RPE65: variants seen among roughly 807,000 people sequenced by gnomAD.
RPE65 encodes the protein retinoid isomerohydrolase RPE65.
Under a neutral mutation model 68.5 loss-of-function variants are expected in RPE65, and 58 were observed. The observed-to-expected ratio is 0.85, with a 90% CI of 0.69 to 1.05. The LOEUF (loss-of-function observed/expected upper bound fraction) is 1.05. Among genes scored for constraint, RPE65 ranks in the 50% least tolerant of loss-of-function variants. The pLI, the probability that RPE65 is intolerant of heterozygous loss-of-function variation, is 0.00. For synonymous variants in RPE65, 220 were observed against 222.2 expected (o/e 0.99, Z 0.09); for missense variants, 643 against 629.9 (o/e 1.02, Z -0.22).
rs769814819 is a variant in RPE65, at chr1:68,429,914, A to T, written c.1464T>A (p.Ser488Arg). The T allele has an allele frequency of 1.2e-6, 2 of 1,613,674 alleles. No homozygotes were observed. The highest frequency in any genetic ancestry group is 1.7e-6 in the Non-Finnish European group (2 of 1,179,724). Reference protein sequence around the residue: ...ALEEDDGVVLSVVVSPGAGQK... With the variant: ...ALEEDDGVVLRVVVSPGAGQK... The stretch of plus-strand genomic sequence containing the variant: ...GTCCTGCTCCTGGGCTCACCACCAC[A>T]CTCAGAACTACACCTGTTTATCAGA... Residue 488 changes from serine to arginine, a missense_variant, in exon 14 of 14, where the codon AGT becomes AGA. By Grantham distance (110) the Ser-to-Arg change is moderately radical. Transcript: ENST00000262340.
At chr1:68,438,837 T>C (rs940491387) in intron 9 of RPE65, 105 bp downstream of exon 9, 3 of 1,395,882 alleles carry the variant, frequency 2.1e-6, no homozygotes, top group African/African-American at 2.8e-5. Context: ...CACATAACTC[T>C]TGCTGTTTTA....
At chr1:68,445,048 C>T (rs1645932325) in intron 3 of RPE65, among the ~76,000 whole-genome samples, 165 bp from the exon 4 acceptor site, 1 of 152,088 alleles carries the variant, frequency 6.6e-6, no homozygotes, top group Non-Finnish European at 1.5e-5. Flanking sequence ...GGTGACCAAG[C>T]AGGGCAGACA....
chr1:68,438,302 T>C lies in RPE65; in HGVS notation c.1013A>G (p.Tyr338Cys), dbSNP rs1645875407. 6.2e-7 allele frequency: 1 copy of C among 1,613,470 alleles called. No individual in the cohort carries two copies. The highest frequency in any genetic ancestry group is 8.5e-7 in the Non-Finnish European group (1 of 1,179,820). ...TAAATTGGCTAAATATAAGTAATTA[T>C]AAACAAACTCAAATCTGCAAAAATA... Reference protein sequence around the residue: ...LCCWKGFEFVYNYLYLANLRE... With the variant: ...LCCWKGFEFVCNYLYLANLRE... Residue 338 changes from tyrosine (Y) to cysteine (C), a missense_variant, in exon 10 of 14, where the codon TAT becomes TGT. Physicochemically the swap from Tyr to Cys is radical, Grantham distance 194. Transcript: ENST00000262340.
intron 9 of RPE65, 99 bp downstream of exon 9, chr1:68,438,843 T>G: frequency 6.9e-7 from 1 of 1,454,270 alleles, no homozygotes; most frequent in Non-Finnish European, 9.7e-7. Flanking sequence ...ACTCTTGCTG[T>G]TTTAGATGTG....
chr1:68,434,113 T>TAC lies in RPE65; in HGVS notation c.1129-2529_1129-2528insGT, dbSNP rs1435034161. Reference sequence around the variant, plus strand: ...AGGGATATATATATATATATATATATATACACACACACACACACACACACA... The same window carrying TAC: ...AGGGATATATATATATATATATATATACATACACACACACACACACACACACA... On this transcript the variant is annotated intron_variant, in intron 10 of 13. Transcript: ENST00000262340. Among the ~76,000 whole-genome samples, 393 of 143,334 alleles carry TAC rather than the reference T, an allele frequency of 2.7e-3. 1 individual carries two copies. The highest frequency in any genetic ancestry group is 8.8e-3 in the African/African-American group (331 of 37,644). The allele number at this position is 143,334 out of a possible 152,430, so 94.0% of individuals were successfully genotyped here. A position where few individuals can be genotyped will look rare whatever the true frequency, so the allele number is the denominator to read the frequency against.
chr1:68,449,846 A>G, intron 1 of RPE65, 49 bp downstream of exon 1: 2 of 1,600,716 alleles, frequency 1.2e-6, no homozygotes, highest in Admixed American at 1.7e-5. Flanking sequence ...TAGCACATTT[A>G]TCATGAATCC....
rs1645874113 is a variant in RPE65 at position 68,438,192 on chromosome 1, C to T, written c.1123G>A (p.Asp375Asn). ...VRRYVLPLNI[D>N]KADTGKNLVT... ...TCTACAGAGAAGCAGGTTACCTTGT[C>T]AATATTCAAAGGAAGTACATATCTC... The change falls in exon 10 of 14, where the codon GAC becomes AAC. Residue 375 changes from aspartate to asparagine, a missense_variant. By Grantham distance (23) the Asp-to-Asn change is conservative. Transcript: ENST00000262340. 9 of 1,613,826 alleles carry T rather than the reference C, an allele frequency of 5.6e-6. No homozygotes were observed. The highest frequency in any genetic ancestry group is 7.6e-6 in the Non-Finnish European group (9 of 1,179,868).
chr1:68,444,423 G>A (rs937962794), intron 5 of RPE65, 108 bp downstream of exon 5: 4 of 1,396,058 alleles, frequency 2.9e-6, no homozygotes, highest in Non-Finnish European at 4.1e-6. Context: ...CATTCTGTGT[G>A]TCCTCATCAA....
chr1:68,430,829 C>T (rs1223476156), intron 13 of RPE65, among the ~76,000 whole-genome samples: 1 of 152,118 alleles, frequency 6.6e-6, no homozygotes, highest in Non-Finnish European at 1.5e-5. Context: ...GACATTGATG[C>T]TCCATCGTGA....
chr1:68,430,449 C>A (rs1034680996), intron 13 of RPE65, among the ~76,000 whole-genome samples: 2 of 152,180 alleles, frequency 1.3e-5, no homozygotes, highest in Admixed American at 1.3e-4. Context: ...TATATAAAAT[C>A]ATTTAGTGTG....
At chr1:68,445,160 A>G (rs1462640942) in intron 3 of RPE65, among the ~76,000 whole-genome samples, 1 of 152,164 alleles carries the variant, frequency 6.6e-6, no homozygotes, top group African/African-American at 2.4e-5. Context: ...AAGCTGGGTT[A>G]GAATCCTAGT....
At chr1:68,429,951 C>G in intron 13 of RPE65, 24 bp from the exon 14 acceptor site, 1 of 1,613,068 alleles carries the variant, frequency 6.2e-7, no homozygotes. Flanking sequence ...GTAAATTAGG[C>G]AATATTGAGT....
At chr1:68,443,118 CA>C (rs147665807) in intron 5 of RPE65, among the ~76,000 whole-genome samples, 13,638 of 152,200 alleles carry the variant, frequency 0.09, 893 homozygotes, top group East Asian at 0.24. Flanking sequence ...CAAAAACTTT[CA>C]GTAGCTTCCC....
At chr1:68,442,004 A>G (rs1473637602) in intron 5 of RPE65, among the ~76,000 whole-genome samples, 1 of 152,216 alleles carries the variant, frequency 6.6e-6, no homozygotes, top group East Asian at 1.9e-4. Flanking sequence ...CTATTAATAC[A>G]GGACCACTAA....
At chr1:68,435,136 C>CGTTA (rs1645851837) in intron 10 of RPE65, among the ~76,000 whole-genome samples, 1 of 152,040 alleles carries the variant, frequency 6.6e-6, no homozygotes, top group South Asian at 2.1e-4. Flanking sequence ...ATCTTTGTGA[C>CGTTA]GTTACTCTCT....
chr1:68,431,269 A>G lies in RPE65; in HGVS notation c.1338+13T>C. The G allele has an allele frequency of 1.2e-6, 2 of 1,612,594 alleles. No homozygotes were observed. Among genetic ancestry groups the G allele is most frequent in the Non-Finnish European group, 1.7e-6 (2 of 1,178,756 alleles). ...AAAGCACTGTTCAAATATTAGTAAG[A>G]AGGATTAATTACCCTATCTGGAACA... On this transcript the variant is annotated intron_variant, in intron 12 of 13. Transcript: ENST00000262340.
intron 9 of RPE65, 83 bp downstream of exon 9, chr1:68,438,859 G>C (rs1645878923): frequency 3.9e-6 from 6 of 1,536,174 alleles, no homozygotes; most frequent in Non-Finnish European, 5.4e-6. Flanking sequence ...ATGTGATTCA[G>C]ATTGAGTGCA....
chr1:68,448,963 G>A (rs1645962602), intron 1 of RPE65, among the ~76,000 whole-genome samples: 1 of 152,078 alleles, frequency 6.6e-6, no homozygotes. Context: ...GATGTCAAGA[G>A]ACATGACCTC....
At chr1:68,438,424 C>T (rs1459378711) in intron 9 of RPE65, 108 bp from the exon 10 acceptor site, 19 of 1,324,352 alleles carry the variant, frequency 1.4e-5, no homozygotes, top group Admixed American at 9.7e-5. Context: ...TATTCCACAA[C>T]CCAGAAACTG....
Sources: allele counts gnomAD v4.1 joint callset (sites outside exome capture counted in the v4.1 genomes callset), GRCh38; gene constraint gnomAD v4.1.1; transcripts MANE v1.5; gene names NCBI Gene and HGNC (gene_info 2026-07-23, HGNC 2026-07-21).